UNC5D: variants seen among roughly 807,000 people sequenced by gnomAD.
UNC5D encodes unc-5 netrin receptor D.
In UNC5D, 39 loss-of-function variants were observed where a neutral mutation model predicts 105.4. The ratio of observed to expected loss-of-function variants is 0.37; its 90% confidence interval spans 0.29 to 0.48. UNC5D has a LOEUF of 0.48. Among genes scored for constraint, UNC5D ranks in the 20% least tolerant of loss-of-function variants. The probability of loss-of-function intolerance (pLI) is 0.98; values close to 1 mark genes in which losing one functional copy is unlikely to be tolerated. For missense variants in UNC5D, 991 were observed against 1,202.4 expected (o/e 0.82, Z 2.60); for synonymous variants, 452 against 450.4 (o/e 1.00, Z -0.04).
At chr8:35,385,170 T>G (rs981821882) in intron 1 of UNC5D, among the ~76,000 whole-genome samples, 1 of 152,182 alleles carries the variant, frequency 6.6e-6, no homozygotes, top group Non-Finnish European at 1.5e-5. Context: ...TCTGATGATC[T>G]CACCCATCCC....
chr8:35,377,201 T>C (rs893023388), intron 1 of UNC5D, among the ~76,000 whole-genome samples: 2 of 152,106 alleles, frequency 1.3e-5, no homozygotes, highest in Admixed American at 6.5e-5. Flanking sequence ...ACAAAACTAT[T>C]TGGGGACACT....
chr8:35,476,842 A>G (rs907055805), intron 1 of UNC5D, among the ~76,000 whole-genome samples: 6 of 152,134 alleles, frequency 3.9e-5, no homozygotes, highest in Admixed American at 1.3e-4. Flanking sequence ...CATTTCTTTC[A>G]AGCTTCACAG....
intron 1 of UNC5D, among the ~76,000 whole-genome samples, chr8:35,344,332 G>T (rs1423508865): frequency 1.3e-5 from 2 of 151,916 alleles, no homozygotes; most frequent in Non-Finnish European, 2.9e-5. Flanking sequence ...ATCAAATTTG[G>T]CAGTACAATT....
chr8:35,642,710 T>G (rs912445317), intron 4 of UNC5D, among the ~76,000 whole-genome samples: 1 of 152,108 alleles, frequency 6.6e-6, no homozygotes, highest in African/African-American at 2.4e-5. Context: ...TTTGCTAAAT[T>G]TAATTAGCAC....
At chr8:35,549,053 C>G (rs1041479483) in intron 1 of UNC5D, among the ~76,000 whole-genome samples, 1 of 152,172 alleles carries the variant, frequency 6.6e-6, no homozygotes, top group Admixed American at 6.5e-5. Context: ...GAGGCGTGTC[C>G]TATTCATTCT....
intron 8 of UNC5D, among the ~76,000 whole-genome samples, chr8:35,711,369 G>A (rs1311844208): frequency 4.6e-5 from 7 of 151,856 alleles, no homozygotes; most frequent in Non-Finnish European, 5.9e-5. Context: ...TAATAAAGAC[G>A]GGGTTTCACC....
intron 4 of UNC5D, among the ~76,000 whole-genome samples, chr8:35,624,372 A>G (rs1821566308): frequency 6.6e-6 from 1 of 152,208 alleles, no homozygotes; most frequent in South Asian, 2.1e-4. Flanking sequence ...CCAGTGTTGC[A>G]CAGGTGAAGA....
At chr8:35,628,125 TTAC>T (rs1821804754) in intron 4 of UNC5D, among the ~76,000 whole-genome samples, 2 of 120,498 alleles carry the variant, frequency 1.7e-5, no homozygotes, top group Non-Finnish European at 3.7e-5. Context: ...ATTTATTTAC[TTAC>T]TTACTTACTT....
intron 4 of UNC5D, among the ~76,000 whole-genome samples, chr8:35,606,232 C>A (rs1820284884): frequency 6.6e-6 from 1 of 152,110 alleles, no homozygotes; most frequent in South Asian, 2.1e-4. Context: ...ATGATCCACC[C>A]AGCTCATCCT....
chr8:35,305,122 A>T (rs1186322364), intron 1 of UNC5D, among the ~76,000 whole-genome samples: 1 of 152,138 alleles, frequency 6.6e-6, no homozygotes, highest in Non-Finnish European at 1.5e-5. Context: ...TAAGCAAATT[A>T]TGATAGCGGT....
chr8:35,282,647 T>C (rs1806272711), intron 1 of UNC5D, among the ~76,000 whole-genome samples: 1 of 151,354 alleles, frequency 6.6e-6, no homozygotes, highest in Non-Finnish European at 1.5e-5. Context: ...GCTTCCCGTG[T>C]TCTTTAAAAT....
intron 4 of UNC5D, among the ~76,000 whole-genome samples, chr8:35,644,666 A>G (rs2131149018): frequency 6.6e-6 from 1 of 152,270 alleles, no homozygotes; most frequent in South Asian, 2.1e-4. Context: ...GCAGCTCACA[A>G]GCCTGTCTTG....
chr8:35,616,994 G>C (rs1821067996), intron 4 of UNC5D, among the ~76,000 whole-genome samples: 1 of 152,206 alleles, frequency 6.6e-6, no homozygotes, highest in Non-Finnish European at 1.5e-5. Flanking sequence ...CTGTAATTCA[G>C]CAGTAATGTT....
intron 1 of UNC5D, among the ~76,000 whole-genome samples, chr8:35,537,713 A>T (rs1814941238): frequency 2.0e-5 from 3 of 150,094 alleles, no homozygotes; most frequent in Admixed American, 2.0e-4. Context: ...AAAATAAAAT[A>T]ATAAATAAGT....
chr8:35,416,172 AC>A, intron 1 of UNC5D, among the ~76,000 whole-genome samples: 1 of 151,980 alleles, frequency 6.6e-6, no homozygotes, highest in East Asian at 1.9e-4. Context: ...ACATCTATAT[AC>A]CCACAGAAAT....
Position 35,670,751 on chromosome 8 carries a change from C to T in UNC5D, c.571-12796C>T, listed in dbSNP as rs187987047. Among the ~76,000 whole-genome samples the T allele has an allele frequency of 1.7e-3, 254 of 151,536 alleles. 3 individuals are homozygous for T. In the Middle Eastern group the frequency reaches 0.024, roughly 14 times the overall value. On this transcript the variant is annotated intron_variant, in intron 4 of 16. Transcript: ENST00000404895. ...GGAGGGAGAGCATTAGGACAAATAC[C>T]TAATGCATGTGGGCCATAAAACCTT...
intron 1 of UNC5D, among the ~76,000 whole-genome samples, chr8:35,361,298 A>G (rs1801837414): frequency 6.6e-6 from 1 of 152,066 alleles, no homozygotes; most frequent in Non-Finnish European, 1.5e-5. Context: ...TCATTTGTAG[A>G]AAAAAAGGAT....
intron 3 of UNC5D, among the ~76,000 whole-genome samples, chr8:35,581,500 T>C (rs1316255885): frequency 2.0e-5 from 3 of 152,148 alleles, no homozygotes; most frequent in Non-Finnish European, 2.9e-5. Context: ...AGTTAATGGG[T>C]ATAAAAATGT....
chr8:35,568,786 G>C (rs1471202388), intron 3 of UNC5D, among the ~76,000 whole-genome samples: 2 of 152,282 alleles, frequency 1.3e-5, no homozygotes, highest in East Asian at 3.9e-4. Flanking sequence ...CGGAGTGCAG[G>C]TGTCTCAACA....
Sources: gnomAD v4.1 joint callset for allele counts (sites outside exome capture counted in the v4.1 genomes callset) on GRCh38, gnomAD v4.1.1 for gene constraint, MANE v1.5 for transcripts, NCBI Gene and HGNC (gene_info 2026-07-23, HGNC 2026-07-21) for gene names.